Variants in MLLT10 observed in about 807,000 individuals in gnomAD.
MLLT10 encodes MLLT10 histone lysine methyltransferase DOT1L cofactor.
Under a neutral mutation model 129.1 loss-of-function variants are expected in MLLT10, and 30 were observed. The observed-to-expected ratio is 0.23, with a 90% CI of 0.17 to 0.32. The LOEUF (loss-of-function observed/expected upper bound fraction) is 0.32, where lower values mean the gene tolerates loss of function less well. Among genes scored for constraint, MLLT10 ranks in the 10% least tolerant of loss-of-function variants. MLLT10 has a pLI of 1.00. For synonymous variants in MLLT10, 490 were observed against 446.4 expected (o/e 1.10, Z -1.23); for missense variants, 1,119 against 1,268.3 (o/e 0.88, Z 1.79).
At chr10:21,666,226 GT>G (rs1277962553) in intron 9 of MLLT10, among the ~76,000 whole-genome samples, 1 of 152,008 alleles carries the variant, frequency 6.6e-6, no homozygotes, top group Non-Finnish European at 1.5e-5. Flanking sequence ...TATTATACTA[GT>G]TTACATAAAG....
rs2057934379 is a variant in MLLT10, at chr10:21,731,125, AAG to A, written c.2218+72_2218+73del. The A allele has an allele frequency of 3.6e-6, 5 of 1,402,290 alleles. No homozygotes were observed. In the East Asian group the frequency reaches 1.1e-4, roughly 32 times the overall value. 86.9% of individuals were successfully genotyped at this position (1,402,290 alleles called of 1,614,324 possible). Reference sequence around the variant, plus strand: ...TGGACAAACAGGCAGATGGATGCAGAAGTCACTTTTCATCCAGAGTAGTAATG... The same window carrying A: ...TGGACAAACAGGCAGATGGATGCAGATCACTTTTCATCCAGAGTAGTAATG... On this transcript the variant is annotated intron_variant, in intron 17 of 22. Transcript: ENST00000307729.
At chr10:21,615,980 A>G (rs950680925) in intron 7 of MLLT10, among the ~76,000 whole-genome samples, 29 of 152,082 alleles carry the variant, frequency 1.9e-4, no homozygotes, top group Non-Finnish European at 4.3e-4. Flanking sequence ...TAATTTTTAA[A>G]TTATTATATT....
At chr10:21,603,373 A>G (rs951404943) in intron 5 of MLLT10, among the ~76,000 whole-genome samples, 2 of 151,932 alleles carry the variant, frequency 1.3e-5, no homozygotes, top group African/African-American at 4.8e-5. Context: ...GCCTTGATCA[A>G]TTTCTTTTAT....
chr10:21,601,140 C>T (rs1382655495), intron 5 of MLLT10, among the ~76,000 whole-genome samples: 5 of 152,230 alleles, frequency 3.3e-5, no homozygotes, highest in Middle Eastern at 3.4e-3. Flanking sequence ...GAGATAGGAT[C>T]TCACTATGTT....
intron 2 of MLLT10, among the ~76,000 whole-genome samples, chr10:21,536,762 T>C (rs1394700896): frequency 6.6e-6 from 1 of 151,714 alleles, no homozygotes; most frequent in Admixed American, 6.6e-5. Context: ...AGGTGGGATT[T>C]CACCAGGTTG....
At chr10:21,680,279 C>A (rs1283446724) in intron 11 of MLLT10, among the ~76,000 whole-genome samples, 1 of 151,802 alleles carries the variant, frequency 6.6e-6, no homozygotes, top group African/African-American at 2.4e-5. Context: ...GGTGCAATCT[C>A]GGCTCACTGA....
At chr10:21,725,891 C>T (rs1042510943) in intron 14 of MLLT10, among the ~76,000 whole-genome samples, 1 of 151,482 alleles carries the variant, frequency 6.6e-6, no homozygotes, top group Non-Finnish European at 1.5e-5. Flanking sequence ...GCTGGGACTA[C>T]AGGCGCCCGC....
chr10:21,601,690 G>A, intron 5 of MLLT10, among the ~76,000 whole-genome samples: 1 of 152,160 alleles, frequency 6.6e-6, no homozygotes, highest in East Asian at 1.9e-4. Context: ...ACCACACCTA[G>A]TTTTTTTAAA....
chr10:21,717,680 C>CTCT (rs2056766683), intron 14 of MLLT10, among the ~76,000 whole-genome samples: 1 of 106,238 alleles, frequency 9.4e-6, no homozygotes, highest in African/African-American at 4.2e-5. Flanking sequence ...CCTCCTCTTC[C>CTCT]TCCTCCTCCT....
At chr10:21,561,610 T>G (rs1360305855) in intron 3 of MLLT10, among the ~76,000 whole-genome samples, 1 of 152,154 alleles carries the variant, frequency 6.6e-6, no homozygotes, top group African/African-American at 2.4e-5. Flanking sequence ...CCAATTTTTG[T>G]GTGCAGTGTA....
chr10:21,565,381 C>A (rs1206127933), intron 3 of MLLT10, among the ~76,000 whole-genome samples: 2 of 152,108 alleles, frequency 1.3e-5, no homozygotes, highest in Non-Finnish European at 2.9e-5. Flanking sequence ...CATCTTGGTT[C>A]ACTGCAACCT....
Position 21,575,709 on chromosome 10 carries a change from A to G in MLLT10, c.241-10585A>G, listed in dbSNP as rs1278736802. On this transcript the variant is annotated intron_variant, in intron 3 of 22. Transcript: ENST00000307729. Reference sequence around the variant, plus strand: ...TATTTTTATTTGGTTTGGTTTTGTCAGTCACAAAGAGGAGTGTTAAAATAT... The same window carrying G: ...TATTTTTATTTGGTTTGGTTTTGTCGGTCACAAAGAGGAGTGTTAAAATAT... 2.0e-5 allele frequency among the ~76,000 whole-genome samples: 3 copies of G among 152,144 alleles called. No homozygotes were observed. The South Asian group carries it at 6.2e-4, about 31-fold the overall frequency.
At chr10:21,640,255 AC>A (rs1348633271) in intron 8 of MLLT10, among the ~76,000 whole-genome samples, 2 of 144,082 alleles carry the variant, frequency 1.4e-5, no homozygotes, top group East Asian at 3.9e-4. Flanking sequence ...TATTTATATT[AC>A]ATAATATATA....
At chr10:21,616,281 T>G (rs1270420397) in intron 7 of MLLT10, among the ~76,000 whole-genome samples, 1 of 152,144 alleles carries the variant, frequency 6.6e-6, no homozygotes, top group Non-Finnish European at 1.5e-5. Flanking sequence ...TTTGTGCAAA[T>G]AGAATTTTCT....
chr10:21,549,846 C>G (rs1201503219), intron 3 of MLLT10, among the ~76,000 whole-genome samples: 1 of 151,770 alleles, frequency 6.6e-6, no homozygotes, highest in Non-Finnish European at 1.5e-5. Context: ...GCCATGTCGG[C>G]CAGGCTGGTC....
chr10:21,562,582 C>T (rs1374521124), intron 3 of MLLT10, among the ~76,000 whole-genome samples: 1 of 151,970 alleles, frequency 6.6e-6, no homozygotes, highest in African/African-American at 2.4e-5. Flanking sequence ...AAGTGACCCA[C>T]CTGCCTCAGC....
intron 2 of MLLT10, among the ~76,000 whole-genome samples, chr10:21,536,419 A>T (rs1209723821): frequency 6.6e-6 from 1 of 152,208 alleles, no homozygotes; most frequent in African/African-American, 2.4e-5. Flanking sequence ...TCAAAATTTG[A>T]TAATTTCTAT....
chr10:21,743,620 A>G lies in MLLT10; in HGVS notation c.*1637A>G, dbSNP rs1020223305. The G allele has an allele frequency of 5.8e-6, 1 of 171,226 alleles. No homozygotes were observed. The highest frequency in any genetic ancestry group is 2.4e-5 in the African/African-American group (1 of 42,120). The allele number at this position is 171,226 out of a possible 1,614,324, so 10.6% of individuals were successfully genotyped here. A position where few individuals can be genotyped will look rare whatever the true frequency, so the allele number is the denominator to read the frequency against. The stretch of plus-strand genomic sequence containing the variant: ...AAATGTTTTGTTAATAAAATTTAAT[A>G]ATGTTTATAACTCCGTGCCATTCTC... On this transcript the variant is annotated 3_prime_UTR_variant, in exon 23 of 23. Coordinates refer to ENST00000307729, the MANE Select transcript of MLLT10 (RefSeq NM_001195626.3).
At chr10:21,560,803 G>A (rs1449182884) in intron 3 of MLLT10, among the ~76,000 whole-genome samples, 3 of 152,112 alleles carry the variant, frequency 2.0e-5, no homozygotes, top group East Asian at 3.8e-4. Context: ...GTATCTTGTC[G>A]TTTTGATTTG....
Sources: gnomAD v4.1 joint callset for allele counts (sites outside exome capture counted in the v4.1 genomes callset) on GRCh38, gnomAD v4.1.1 for gene constraint, MANE v1.5 for transcripts, NCBI Gene and HGNC (gene_info 2026-07-23, HGNC 2026-07-21) for gene names.